DRD2: variants seen among roughly 807,000 people sequenced by gnomAD.
The protein encoded by DRD2 is D(2) dopamine receptor.
DRD2 carries 8 observed loss-of-function variants against 38.0 expected under a neutral mutation model. That is an observed-to-expected ratio of 0.21 (90% CI 0.12 to 0.38). The LOEUF (loss-of-function observed/expected upper bound fraction) is 0.38, where lower values mean the gene tolerates loss of function less well. DRD2 is among the 10% of genes least tolerant of loss of function. DRD2 has a pLI of 1.00. For synonymous variants in DRD2, 230 were observed against 238.6 expected (o/e 0.96, Z 0.33); for missense variants, 403 against 607.7 (o/e 0.66, Z 3.54).
intron 5 of DRD2, 122 bp from the exon 6 acceptor site, chr11:113,414,583 G>A: frequency 2.0e-6 from 2 of 980,892 alleles, no homozygotes; most frequent in Non-Finnish European, 3.2e-6. Flanking sequence ...TCAGGAGGGT[G>A]GGGGCCAGAG....
At chr11:113,430,741 C>T (rs944110277) in intron 1 of DRD2, among the ~76,000 whole-genome samples, 1 of 152,192 alleles carries the variant, frequency 6.6e-6, no homozygotes, top group African/African-American at 2.4e-5. Context: ...GTTCTCAGTG[C>T]TGCTCCAGTT....
At chr11:113,412,207 G>GAGGAGCCC in intron 7 of DRD2, 1 of 376,098 alleles carries the variant, frequency 2.7e-6, no homozygotes, top group African/African-American at 2.0e-5. Context: ...CTCTACAGAT[G>GAGGAGCCC]AGGAGCCTAG....
chr11:113,410,212 A>T lies in DRD2; in HGVS notation c.*515T>A, dbSNP rs199733203. The T allele has an allele frequency of 9.6e-4, 196 of 203,562 alleles. No individual in the cohort carries two copies. The highest frequency in any genetic ancestry group is 4.3e-3 in the African/African-American group (189 of 43,606). 12.6% of individuals were successfully genotyped at this position (203,562 alleles called of 1,614,324 possible). On this transcript the variant is annotated 3_prime_UTR_variant, in exon 8 of 8. Transcript: ENST00000362072. Reference sequence around the variant, plus strand: ...TGGGAATCTCTGGGGTCCAACCTGCAGTCTGGTATTTACATGGGTCTCCCA... The same window carrying T: ...TGGGAATCTCTGGGGTCCAACCTGCTGTCTGGTATTTACATGGGTCTCCCA...
At chr11:113,470,624 A>G (rs1358778878) in intron 1 of DRD2, among the ~76,000 whole-genome samples, 1 of 152,236 alleles carries the variant, frequency 6.6e-6, no homozygotes, top group Non-Finnish European at 1.5e-5. Context: ...ACATCAGATT[A>G]TGACAAAATT....
intron 1 of DRD2, among the ~76,000 whole-genome samples, chr11:113,448,495 C>T (rs1444918946): frequency 1.3e-5 from 2 of 152,196 alleles, no homozygotes; most frequent in African/African-American, 4.8e-5. Context: ...CAATATTTTT[C>T]CTTCTGAAGG....
At chr11:113,471,877 G>A (rs1951430289) in intron 1 of DRD2, among the ~76,000 whole-genome samples, 1 of 152,094 alleles carries the variant, frequency 6.6e-6, no homozygotes, top group Non-Finnish European at 1.5e-5. Flanking sequence ...CAAATGACTG[G>A]GCTGCTGTTC....
intron 1 of DRD2, among the ~76,000 whole-genome samples, chr11:113,436,356 A>G (rs1256743618): frequency 6.6e-6 from 1 of 152,236 alleles, no homozygotes; most frequent in Non-Finnish European, 1.5e-5. Context: ...GAGCCTCTAG[A>G]ATAAAATAAA....
intron 1 of DRD2, among the ~76,000 whole-genome samples, chr11:113,448,364 G>C (rs1591294828): frequency 6.6e-6 from 1 of 152,116 alleles, no homozygotes; most frequent in African/African-American, 2.4e-5. Context: ...CCAGATGCAC[G>C]GTGGCTGAAA....
chr11:113,411,001 C>A, intron 7 of DRD2, 81 bp from the exon 8 acceptor site: 1 of 1,475,384 alleles, frequency 6.8e-7, no homozygotes, highest in Non-Finnish European at 9.3e-7. Flanking sequence ...TGCGCCCTGG[C>A]TCGTATGCCA....
chr11:113,430,966 T>C (rs1950980807), intron 1 of DRD2, among the ~76,000 whole-genome samples: 4 of 152,196 alleles, frequency 2.6e-5, no homozygotes. Context: ...ACAAATAAAG[T>C]GGCACAGTAT....
intron 2 of DRD2, among the ~76,000 whole-genome samples, chr11:113,420,464 T>C (rs1402124795): frequency 6.6e-6 from 1 of 152,210 alleles, no homozygotes; most frequent in African/African-American, 2.4e-5. Context: ...AATGCATTGG[T>C]GGCCACTGTC....
chr11:113,414,447 G>A lies in DRD2; in HGVS notation c.738C>T (p.His246=). 1.9e-6 allele frequency: 3 copies of A among 1,614,176 alleles called. No homozygotes were observed. The highest frequency in any genetic ancestry group is 2.5e-6 in the Non-Finnish European group (3 of 1,180,032). Reference sequence around the variant, plus strand: ...CGGTGCAGAGTTTCATGTCCTCGGGGTGAGTACAGTTGCCCTGTGGAGTGA... The same window carrying A: ...CGGTGCAGAGTTTCATGTCCTCGGGATGAGTACAGTTGCCCTGTGGAGTGA... The part of the protein sequence containing the change: ...LRAPLKGNCT[H]PEDMKLCTVI... The change falls in exon 6 of 8, where the codon CAC becomes CAT. Residue 246 remains histidine (H), a synonymous_variant. Transcript: ENST00000362072.
chr11:113,450,911 A>C (rs964142910), intron 1 of DRD2, among the ~76,000 whole-genome samples: 2 of 152,212 alleles, frequency 1.3e-5, no homozygotes, highest in Admixed American at 6.5e-5. Flanking sequence ...GAGGATTACT[A>C]GATTAGGTGA....
Position 113,416,950 on chromosome 11 carries a change from T to C in DRD2, c.445A>G (p.Lys149Glu). 2 of 1,614,124 alleles carry C rather than the reference T, an allele frequency of 1.2e-6. No individual in the cohort carries two copies. Among genetic ancestry groups the C allele is most frequent in the Non-Finnish European group, 1.7e-6 (2 of 1,180,002 alleles). Residue 149 changes from lysine (K) to glutamate (E), a missense_variant, in exon 4 of 8, where the codon AAG (lysine) becomes GAG (glutamate). Around this residue, in one of 4 missense-constraint regions of DRD2, gnomAD observed 162 missense variants for 254.5 expected, o/e 0.64. Transcript: ENST00000362072. Reference sequence around the variant, plus strand: ...GAGATCATGACGGTGACCCGGCGCTTGGAGCTGTAGCGCGTATTGTACAGC... The same window carrying C: ...GAGATCATGACGGTGACCCGGCGCTCGGAGCTGTAGCGCGTATTGTACAGC... ...PMLYNTRYSS[K>E]RRVTVMISIV...
chr11:113,431,269 CA>C (rs1044949672), intron 1 of DRD2, among the ~76,000 whole-genome samples: 5 of 152,202 alleles, frequency 3.3e-5, no homozygotes, highest in African/African-American at 1.2e-4. Flanking sequence ...GGCCTCACTC[CA>C]GGGGTGGCTG....
At position 113,418,182 on chromosome 11, in the gene DRD2, T is replaced by C. The variant is rs200846690; in HGVS notation, c.286-46A>G. On this transcript the variant is annotated intron_variant, in intron 2 of 7. Coordinates refer to ENST00000362072, the MANE Select transcript of DRD2 (RefSeq NM_000795.4). ...TGGATGGACAGCAGGAGTGGGAGAT[T>C]AGCTTAGGTCCTGTAGCCTGGTACT... 3.5e-4 allele frequency: 531 copies of C among 1,513,280 alleles called. 1 individual carries two copies. Among genetic ancestry groups the C allele is most frequent in the Middle Eastern group, 1.2e-3 (7 of 5,898 alleles). The allele number at this position is 1,513,280 out of a possible 1,614,324, so 93.7% of individuals were successfully genotyped here.
intron 1 of DRD2, among the ~76,000 whole-genome samples, chr11:113,469,369 T>C (rs892534604): frequency 2.6e-5 from 4 of 152,228 alleles, no homozygotes; most frequent in South Asian, 2.1e-4. Flanking sequence ...CCTGGTATCA[T>C]ACACAAAGAT....
At chr11:113,459,405 C>A (rs1402045151) in intron 1 of DRD2, among the ~76,000 whole-genome samples, 1 of 152,136 alleles carries the variant, frequency 6.6e-6, no homozygotes, top group East Asian at 1.9e-4. Flanking sequence ...GGGACTTCAT[C>A]CAATCCAATA....
intron 2 of DRD2, among the ~76,000 whole-genome samples, chr11:113,420,321 C>A (rs1240666495): frequency 1.3e-5 from 2 of 152,228 alleles, no homozygotes; most frequent in Non-Finnish European, 1.5e-5. Context: ...CACAGTCCTG[C>A]CTTCATGGAC....
Sources: allele counts gnomAD v4.1 joint callset (sites outside exome capture counted in the v4.1 genomes callset), GRCh38; gene constraint gnomAD v4.1.1; regional missense constraint gnomAD v4.1.1; transcripts MANE v1.5; gene names NCBI Gene and HGNC (gene_info 2026-07-23, HGNC 2026-07-21).